The following EML6 variants were observed in gnomAD, a reference collection of about 807,000 sequenced individuals.
EML6 encodes the protein echinoderm microtubule-associated protein-like 6.
In EML6, 154 loss-of-function variants were observed where a neutral mutation model predicts 240.1. That is an observed-to-expected ratio of 0.64 (90% CI 0.56 to 0.73). The LOEUF (loss-of-function observed/expected upper bound fraction) is 0.73. Ranked by LOEUF, EML6 falls within the 30% of genes least tolerant of loss-of-function variation. EML6 has a pLI of 0.00. For missense variants in EML6, 2,964 were observed against 2,474.6 expected, an observed-to-expected ratio of 1.20 and a Z score of -4.20; for synonymous variants, 1,148 against 899.0, an observed-to-expected ratio of 1.28 and a Z score of -4.95.
intron 13 of EML6, among the ~76,000 whole-genome samples, chr2:54,864,323 C>A (rs1304683050): frequency 1.3e-5 from 2 of 152,160 alleles, no homozygotes; most frequent in Non-Finnish European, 2.9e-5. Flanking sequence ...TAACTTACTG[C>A]AACCATTATC....
chr2:54,946,593 T>A (rs528842693), intron 28 of EML6, among the ~76,000 whole-genome samples: 9 of 152,324 alleles, frequency 5.9e-5, no homozygotes, highest in African/African-American at 2.2e-4. Context: ...TTATGAACAC[T>A]GTTTATAGAT....
chr2:54,959,144 A>G lies in EML6; in HGVS notation c.4736A>G (p.Tyr1579Cys). 3 of 1,551,588 alleles carry G rather than the reference A, an allele frequency of 1.9e-6. No individual in the cohort carries two copies. Among genetic ancestry groups the G allele is most frequent in the African/African-American group, 1.4e-5 (1 of 73,160 alleles). Residue 1579 changes from tyrosine (Y) to cysteine (C), a missense_variant, in exon 34 of 42, where the codon TAC becomes TGC. By Grantham distance (194) the Tyr-to-Cys change is radical (BLOSUM62 -2). Coordinates refer to ENST00000356458, the MANE Select transcript of EML6 (RefSeq NM_001039753.4). ...TFTGAINGDV[Y>C]VWKDHFLIRL... is the part of the protein sequence containing the mutation. ...ACGGGTGCCATCAATGGAGATGTCT[A>G]CGTCTGGAAGGACCACTTCCTCATC...
intron 2 of EML6, among the ~76,000 whole-genome samples, chr2:54,800,329 C>T (rs1204924175): frequency 1.3e-5 from 2 of 152,070 alleles, no homozygotes; most frequent in Non-Finnish European, 2.9e-5. Context: ...TAAAGGTATC[C>T]CCCACTGTTC....
At chr2:54,836,923 C>T (rs1669181777) in intron 7 of EML6, among the ~76,000 whole-genome samples, 1 of 152,128 alleles carries the variant, frequency 6.6e-6, no homozygotes, top group Admixed American at 6.5e-5. Context: ...ATCAGAAGTC[C>T]CTGCAAGGCC....
At position 54,774,373 on chromosome 2, in the gene EML6, C is replaced by G. The variant is rs181141203; in HGVS notation, c.198-38859C>G. On this transcript the variant is annotated intron_variant, in intron 2 of 41. Transcript: ENST00000356458. The surrounding 1 kb of genome is among the most constrained non-coding windows in gnomAD (Gnocchi z 4.1). ...ACATTGATCAGTCATTAGGTACAGG[C>G]CATTATGGGAAGAAGGGTGACTGTG... Among the ~76,000 whole-genome samples the G allele has an allele frequency of 2.9e-3, 438 of 152,152 alleles. 2 individuals carry two copies. The highest frequency in any genetic ancestry group is 0.027 in the Admixed American group (407 of 15,270).
chr2:54,843,125 A>C (rs1572987170), intron 7 of EML6, among the ~76,000 whole-genome samples: 1 of 152,206 alleles, frequency 6.6e-6, no homozygotes, highest in Non-Finnish European at 1.5e-5. Context: ...CTGATAGCAA[A>C]TCTGAAGGAA....
intron 28 of EML6, among the ~76,000 whole-genome samples, chr2:54,938,766 A>G (rs777662972): frequency 1.3e-5 from 2 of 152,120 alleles, no homozygotes; most frequent in African/African-American, 2.4e-5. Context: ...ACCTGTTCGG[A>G]TCTCTGAGAA....
chr2:54,819,979 T>C (rs544026775), intron 4 of EML6, among the ~76,000 whole-genome samples: 1 of 152,272 alleles, frequency 6.6e-6, no homozygotes, highest in Non-Finnish European at 1.5e-5. Flanking sequence ...AAATTGTAGT[T>C]AACTATTGAA....
At chr2:54,918,914 G>A (rs1347127589) in intron 26 of EML6, among the ~76,000 whole-genome samples, 4 of 152,014 alleles carry the variant, frequency 2.6e-5, no homozygotes, top group East Asian at 3.9e-4. Flanking sequence ...AATGCTTATC[G>A]AACTCCTGTG....
rs557605320 is a variant in EML6 at position 54,850,896 on chromosome 2, C to T, written c.1444+678C>T. Among the ~76,000 whole-genome samples, 3 of 152,294 alleles carry T rather than the reference C, an allele frequency of 2.0e-5. No individual in the cohort carries two copies. The South Asian group carries it at 6.2e-4, about 32-fold the overall frequency. On this transcript the variant is annotated intron_variant, in intron 10 of 41. Transcript: ENST00000356458. Reference sequence around the variant, plus strand: ...TAAATTAAACTAGAGCTACTTGCATCAGTAGGGATACATCTCAAAAATATG... The same window carrying T: ...TAAATTAAACTAGAGCTACTTGCATTAGTAGGGATACATCTCAAAAATATG...
At chr2:54,816,621 A>C (rs1425187415) in intron 3 of EML6, among the ~76,000 whole-genome samples, 166 bp from the exon 4 acceptor site, 1 of 152,244 alleles carries the variant, frequency 6.6e-6, no homozygotes, top group Non-Finnish European at 1.5e-5. Context: ...AATGGAAGTC[A>C]TCATCTATTG....
intron 38 of EML6, among the ~76,000 whole-genome samples, chr2:54,966,511 C>G (rs1676753145): frequency 1.3e-5 from 2 of 152,320 alleles, no homozygotes; most frequent in South Asian, 4.1e-4. Flanking sequence ...TTCTAGACAC[C>G]TCAGAGATCA....
At chr2:54,903,577 G>T in intron 24 of EML6, 75 bp downstream of exon 24, 14 of 1,126,654 alleles carry the variant, frequency 1.2e-5, no homozygotes, top group Admixed American at 5.7e-5. Flanking sequence ...TTTCTAGAGA[G>T]AATGGCAGTT....
chr2:54,834,620 G>T (rs1055049570), intron 7 of EML6, among the ~76,000 whole-genome samples: 12 of 152,238 alleles, frequency 7.9e-5, no homozygotes, highest in Admixed American at 7.2e-4. Flanking sequence ...TGGAGGTCGG[G>T]GGAGTTCTGT....
intron 2 of EML6, among the ~76,000 whole-genome samples, chr2:54,740,833 G>A (rs354198): frequency 0.43 from 65,173 of 151,838 alleles, 14,909 homozygotes; most frequent in African/African-American, 0.59. Context: ...GGCCCTGTTT[G>A]TGTATGTGAG....
At chr2:54,884,579 A>G (rs550961016) in intron 17 of EML6, among the ~76,000 whole-genome samples, 10 of 152,316 alleles carry the variant, frequency 6.6e-5, no homozygotes, top group African/African-American at 2.4e-4. Context: ...TGAGCATACA[A>G]GAAGACCTCC....
chr2:54,732,337 C>T (rs1683212797), intron 2 of EML6, among the ~76,000 whole-genome samples: 1 of 151,868 alleles, frequency 6.6e-6, no homozygotes, highest in Non-Finnish European at 1.5e-5. Context: ...CTTTTTTATG[C>T]TTTTGATGTC....
Position 54,903,079 on chromosome 2 carries a change from G to A in EML6, c.3160G>A (p.Ala1054Thr). ...RCCAFSPDGKALAVGLNDGSF... is the reference protein window; with the variant it reads ...RCCAFSPDGKTLAVGLNDGSF... ...CTGTGCCTTTTCCCCTGATGGGAAA[G>A]CCTTAGCGGTTGGCTTGAACGATGG... The change falls in exon 23 of 42, where the codon GCC becomes ACC. Residue 1054 changes from alanine (A) to threonine (T), a missense_variant. By Grantham distance (58) the Ala-to-Thr change is moderately conservative. Coordinates refer to ENST00000356458, the MANE Select transcript of EML6 (RefSeq NM_001039753.4). 6.4e-7 allele frequency: 1 copy of A among 1,551,792 alleles called. No individual in the cohort carries two copies. Among genetic ancestry groups the A allele is most frequent in the South Asian group, 1.2e-5 (1 of 84,064 alleles).
chr2:54,844,002 G>T, intron 7 of EML6, 45 bp from the exon 8 acceptor site: 1 of 1,233,518 alleles, frequency 8.1e-7, no homozygotes, highest in Non-Finnish European at 1.2e-6. Context: ...GTGTGTGTGT[G>T]TGAATAGTGT....
Sources: allele counts gnomAD v4.1 joint callset (sites outside exome capture counted in the v4.1 genomes callset), GRCh38; gene constraint gnomAD v4.1.1; non-coding constraint Gnocchi (gnomAD v3.1); transcripts MANE v1.5; gene names NCBI Gene and HGNC (gene_info 2026-07-23, HGNC 2026-07-21).